DISC1: variants seen among roughly 807,000 people sequenced by gnomAD.
DISC1 encodes the protein DISC1 scaffold protein.
In DISC1, 57 loss-of-function variants were observed where a neutral mutation model predicts 84.5. The observed-to-expected ratio is 0.67, with a 90% confidence interval of 0.55 to 0.84. The LOEUF (loss-of-function observed/expected upper bound fraction) is 0.84. Among genes scored for constraint, DISC1 ranks in the 40% least tolerant of loss-of-function variants. The pLI is 0.00. For missense variants in DISC1, 1,000 were observed against 1,057.8 expected (o/e 0.95, Z 0.76); for synonymous variants, 411 against 415.2 (o/e 0.99, Z 0.12).
intron 9 of DISC1, among the ~76,000 whole-genome samples, chr1:231,899,253 G>T (rs1386497961): frequency 6.6e-6 from 1 of 152,136 alleles, no homozygotes; most frequent in African/African-American, 2.4e-5. Flanking sequence ...TCACCTGGTG[G>T]GCTTGTTGGA....
rs1030781138 is a variant in DISC1 at position 231,685,687 on chromosome 1, G to A, written c.68-8139G>A. Among the ~76,000 whole-genome samples, 4 of 152,026 alleles carry A rather than the reference G, an allele frequency of 2.6e-5. No homozygotes were observed. The East Asian group carries it at 5.8e-4, about 22-fold the overall frequency. ...AGGCTGGTCTCGAACTCCTGACCTC[G>A]TGATCTGCCTGCCTCGGCCTCCCAA... On this transcript the variant is annotated intron_variant, in intron 1 of 12. Coordinates refer to ENST00000439617, the MANE Select transcript of DISC1 (RefSeq NM_018662.3).
intron 1 of DISC1, among the ~76,000 whole-genome samples, chr1:231,640,315 G>A (rs2059529021): frequency 2.0e-5 from 3 of 152,094 alleles, no homozygotes; most frequent in Admixed American, 6.5e-5. Flanking sequence ...CAGGTATAGC[G>A]CTGCATAATG....
At chr1:231,759,553 A>AAAAAAAT (rs2075460332) in intron 4 of DISC1, among the ~76,000 whole-genome samples, 1 of 138,408 alleles carries the variant, frequency 7.2e-6, no homozygotes, top group Non-Finnish European at 1.5e-5. Flanking sequence ...AAAAAAAAAC[A>AAAAAAAT]AAACTAGCCA....
At chr1:231,929,829 A>G (rs2090547385) in intron 9 of DISC1, among the ~76,000 whole-genome samples, 1 of 152,128 alleles carries the variant, frequency 6.6e-6, no homozygotes, top group Admixed American at 6.5e-5. Context: ...AAAGGAGGAC[A>G]CTCCACCATT....
intron 1 of DISC1, among the ~76,000 whole-genome samples, chr1:231,635,081 G>A (rs1374828051): frequency 5.9e-5 from 9 of 152,022 alleles, no homozygotes; most frequent in Non-Finnish European, 1.2e-4. Context: ...CCCTTCCTGT[G>A]TCTTCCCAGT....
chr1:231,875,081 T>A (rs1175180697), intron 9 of DISC1, among the ~76,000 whole-genome samples: 1 of 152,194 alleles, frequency 6.6e-6, no homozygotes, highest in Non-Finnish European at 1.5e-5. Context: ...CCTTATGCTG[T>A]CCTCTCACTT....
intron 8 of DISC1, among the ~76,000 whole-genome samples, chr1:231,810,362 A>G (rs984071873): frequency 6.6e-6 from 1 of 152,206 alleles, no homozygotes; most frequent in Non-Finnish European, 1.5e-5. Context: ...GGGAGCATCA[A>G]CTCAATCGCT....
intron 9 of DISC1, among the ~76,000 whole-genome samples, chr1:231,921,905 AC>A (rs1369064544): frequency 2.7e-5 from 4 of 149,896 alleles, no homozygotes; most frequent in African/African-American, 9.9e-5. Flanking sequence ...ACATAGAGTC[AC>A]CATGCTCTGC....
At position 232,002,639 on chromosome 1, in the gene DISC1, A is replaced by ACACACAC. The variant is rs1558825627; in HGVS notation, c.2043-6146_2043-6145insCACACAC. On this transcript the variant is annotated intron_variant, in intron 10 of 12. Coordinates refer to ENST00000439617, the MANE Select transcript of DISC1 (RefSeq NM_018662.3). ...CACACACACACACACACACACACAC[A>ACACACAC]AAAGCCAATCCCTTAAGGTATCTAC... Among the ~76,000 whole-genome samples, 5 of 136,810 alleles carry ACACACAC rather than the reference A, an allele frequency of 3.7e-5. No homozygotes were observed. The East Asian group carries it at 7.9e-4, about 22-fold the overall frequency. The allele number at this position is 136,810 out of a possible 152,430, so 89.8% of individuals were successfully genotyped here. A position where few individuals can be genotyped will look rare whatever the true frequency, so the allele number is the denominator to read the frequency against.
At chr1:231,627,626 T>C (rs2058371697) in intron 1 of DISC1, among the ~76,000 whole-genome samples, 2 of 152,280 alleles carry the variant, frequency 1.3e-5, no homozygotes. Flanking sequence ...TTTTCAACAA[T>C]GACAGGACTT....
intron 3 of DISC1, among the ~76,000 whole-genome samples, chr1:231,739,135 A>C (rs561709138): frequency 1.3e-5 from 2 of 152,242 alleles, no homozygotes; most frequent in African/African-American, 4.8e-5. Flanking sequence ...AATGTGTGTA[A>C]ATGCACTCAT....
At chr1:231,911,892 A>T (rs1432170780) in intron 9 of DISC1, among the ~76,000 whole-genome samples, 1 of 152,120 alleles carries the variant, frequency 6.6e-6, no homozygotes, top group Non-Finnish European at 1.5e-5. Context: ...CTTTTCCTCT[A>T]AACTTCTCTT....
intron 9 of DISC1, among the ~76,000 whole-genome samples, chr1:231,854,069 C>A (rs1335713980): frequency 2.6e-5 from 4 of 152,194 alleles, no homozygotes; most frequent in Non-Finnish European, 4.4e-5. Flanking sequence ...CAAGGGGATT[C>A]TTGGGTCACG....
chr1:231,922,855 GA>G (rs1408359106), intron 9 of DISC1, among the ~76,000 whole-genome samples: 1 of 152,138 alleles, frequency 6.6e-6, no homozygotes, highest in East Asian at 1.9e-4. Context: ...ACCTCACTTA[GA>G]AAATTCAACC....
intron 1 of DISC1, among the ~76,000 whole-genome samples, chr1:231,691,616 C>A (rs1044491138): frequency 6.6e-6 from 1 of 152,192 alleles, no homozygotes; most frequent in African/African-American, 2.4e-5. Context: ...TCTTTTTAAA[C>A]CACAGACAGT....
At chr1:231,741,201 C>G (rs566500905) in intron 3 of DISC1, among the ~76,000 whole-genome samples, 16 of 152,092 alleles carry the variant, frequency 1.1e-4, no homozygotes, top group Non-Finnish European at 2.2e-4. Context: ...TGTCAAATAC[C>G]ACGAGAGACT....
intron 3 of DISC1, chr1:231,723,261 C>G: frequency 1.0e-6 from 1 of 969,440 alleles, no homozygotes; most frequent in Non-Finnish European, 1.2e-6. Context: ...AAAAAGTCTG[C>G]CTATGAGTAG....
intron 9 of DISC1, among the ~76,000 whole-genome samples, chr1:231,835,330 A>G (rs1166809980): frequency 6.6e-6 from 1 of 152,212 alleles, no homozygotes; most frequent in Non-Finnish European, 1.5e-5. Context: ...TGAGTCCGAA[A>G]AGAGAGTCAG....
rs535658789 is a variant in DISC1 at position 232,037,222 on chromosome 1, A to T, written c.*391A>T. ...TCTGCTGCAACGAAAATATTTCCTGATTCAAGATTCTATAAAAAGGAAACC... is the reference window on the plus strand; with the variant it reads ...TCTGCTGCAACGAAAATATTTCCTGTTTCAAGATTCTATAAAAAGGAAACC... On this transcript the variant is annotated 3_prime_UTR_variant, in exon 13 of 13. Coordinates refer to ENST00000439617, the MANE Select transcript of DISC1 (RefSeq NM_018662.3). The T allele has an allele frequency of 6.5e-6, 1 of 153,950 alleles. No individual in the cohort carries two copies. Among genetic ancestry groups the T allele is most frequent in the South Asian group, 2.0e-4 (1 of 4,882 alleles). The allele number at this position is 153,950 out of a possible 1,614,324, so 9.5% of individuals were successfully genotyped here.
Sources: gnomAD v4.1 joint callset for allele counts (sites outside exome capture counted in the v4.1 genomes callset) on GRCh38, gnomAD v4.1.1 for gene constraint, MANE v1.5 for transcripts, NCBI Gene and HGNC (gene_info 2026-07-23, HGNC 2026-07-21) for gene names.